Variants in KLF8 observed in about 807,000 individuals in gnomAD.
The protein encoded by KLF8 is KLF transcription factor 8.
KLF8 carries 10 observed loss-of-function variants against 18.2 expected under a neutral mutation model. The ratio of observed to expected loss-of-function variants is 0.55; its 90% CI spans 0.34 to 0.93. The LOEUF (loss-of-function observed/expected upper bound fraction) is 0.93. Among genes scored for constraint, KLF8 ranks in the 40% least tolerant of loss-of-function variants. The probability of loss-of-function intolerance (pLI) is 0.02; values close to 1 mark genes in which losing one functional copy is unlikely to be tolerated. For synonymous variants in KLF8, 109 were observed against 97.3 expected (o/e 1.12, Z -0.71); for missense variants, 264 against 277.9 (o/e 0.95, Z 0.36).
At chrX:56,125,941 G>C in the KLF8 span, among the ~76,000 whole-genome samples, 14 of 111,925 alleles carry the variant, frequency 1.3e-4, no homozygotes, top group Non-Finnish European at 2.1e-4. Context: ...ACAGTGCCTG[G>C]TACTTATTAT....
At chrX:56,003,207 A>T in the KLF8 span, among the ~76,000 whole-genome samples, 1 of 110,118 alleles carries the variant, frequency 9.1e-6, no homozygotes, top group African/African-American at 3.3e-5. Flanking sequence ...CCTGAAAAAT[A>T]TGGTGAAACC....
the KLF8 span, among the ~76,000 whole-genome samples, chrX:56,105,765 G>A: frequency 1.8e-5 from 2 of 111,507 alleles, no homozygotes; most frequent in African/African-American, 3.3e-5. Flanking sequence ...TCATTATGAT[G>A]TTAGGTAGTT....
chrX:56,206,882 G>T, the KLF8 span, among the ~76,000 whole-genome samples: 10 of 112,628 alleles, frequency 8.9e-5, no homozygotes, highest in Non-Finnish European at 1.5e-4. Context: ...GCAAACTTCT[G>T]CCTGGACATC....
chrX:56,230,605 C>T (rs1258902856), upstream of KLF8, among the ~76,000 whole-genome samples: 1 of 111,502 alleles, frequency 9.0e-6, no homozygotes, highest in Non-Finnish European at 1.9e-5. Flanking sequence ...ATTTATTTAA[C>T]CTGTCACTAA....
At chrX:55,936,416 A>C in the KLF8 span, among the ~76,000 whole-genome samples, 1 of 112,735 alleles carries the variant, frequency 8.9e-6, no homozygotes, top group Admixed American at 9.3e-5. Context: ...ATGGCCGAAT[A>C]GGAAAAGCTC....
the KLF8 span, among the ~76,000 whole-genome samples, chrX:55,970,679 GA>G: frequency 1.8e-5 from 2 of 111,057 alleles, no homozygotes; most frequent in South Asian, 7.5e-4. Flanking sequence ...AAGACACCAC[GA>G]AAAAACTATT....
At chrX:56,028,593 C>T in the KLF8 span, among the ~76,000 whole-genome samples, 5 of 111,628 alleles carry the variant, frequency 4.5e-5, no homozygotes, top group Non-Finnish European at 9.4e-5. Context: ...CGTCCACGTA[C>T]TGGAGCAAGA....
chrX:55,953,047 A>C, the KLF8 span, among the ~76,000 whole-genome samples: 4 of 111,181 alleles, frequency 3.6e-5, no homozygotes, highest in Non-Finnish European at 7.5e-5. Context: ...CAAAGATTAC[A>C]TTTTCTAGTA....
the KLF8 span, among the ~76,000 whole-genome samples, chrX:56,147,963 G>T: frequency 8.9e-6 from 1 of 112,413 alleles, no homozygotes; most frequent in African/African-American, 3.2e-5. Flanking sequence ...GGGCAACAGA[G>T]TGAGACTCTG....
At chrX:56,167,509 G>A in the KLF8 span, among the ~76,000 whole-genome samples, 1 of 112,061 alleles carries the variant, frequency 8.9e-6, no homozygotes, top group Non-Finnish European at 1.9e-5. Flanking sequence ...TACCGTATTA[G>A]CTGGAAGAAC....
At chrX:56,148,053 C>G in the KLF8 span, among the ~76,000 whole-genome samples, 1 of 111,987 alleles carries the variant, frequency 8.9e-6, no homozygotes, top group African/African-American at 3.2e-5. Flanking sequence ...TAATTATACA[C>G]TTTTAAGTAG....
the KLF8 span, among the ~76,000 whole-genome samples, chrX:56,015,933 T>C: frequency 8.9e-6 from 1 of 112,243 alleles, no homozygotes; most frequent in African/African-American, 3.2e-5. Flanking sequence ...ATAAGTAAAC[T>C]CTTAAATAGC....
At chrX:56,078,280 G>A in the KLF8 span, among the ~76,000 whole-genome samples, 7 of 111,891 alleles carry the variant, frequency 6.3e-5, no homozygotes, top group African/African-American at 2.3e-4. Context: ...CTGTGGGTTT[G>A]TCATAGATAG....
chrX:56,241,707 G>T (rs1026673029), intron 1 of KLF8, among the ~76,000 whole-genome samples: 2 of 112,040 alleles, frequency 1.8e-5, no homozygotes, highest in African/African-American at 6.5e-5. Flanking sequence ...CAACAGTGAA[G>T]CCTGATCTAG....
chrX:56,049,877 G>T, the KLF8 span, among the ~76,000 whole-genome samples: 1 of 107,506 alleles, frequency 9.3e-6, no homozygotes, highest in Non-Finnish European at 1.9e-5. Flanking sequence ...GTAGAATTCG[G>T]CTGTGAATCC....
chrX:55,953,370 A>G, the KLF8 span, among the ~76,000 whole-genome samples: 1 of 111,000 alleles, frequency 9.0e-6, no homozygotes, highest in Non-Finnish European at 1.9e-5. Context: ...GTGTTCATGG[A>G]TGAGAATACC....
chrX:56,224,418 A>G, the KLF8 span, among the ~76,000 whole-genome samples: 4 of 112,259 alleles, frequency 3.6e-5, no homozygotes, highest in Admixed American at 2.8e-4. Flanking sequence ...AAAAACCACC[A>G]TAATCCTTCA....
At chrX:55,921,724 A>G in the KLF8 span, among the ~76,000 whole-genome samples, 1 of 112,026 alleles carries the variant, frequency 8.9e-6, no homozygotes, top group Non-Finnish European at 1.9e-5. Flanking sequence ...TCCTTCAGAC[A>G]AGGTTCTAAT....
chrX:56,167,402 T>C, the KLF8 span, among the ~76,000 whole-genome samples: 1 of 112,264 alleles, frequency 8.9e-6, no homozygotes, highest in South Asian at 3.7e-4. Flanking sequence ...AGTGCTGGGA[T>C]TACGGTGCAA....
Sources: gnomAD v4.1 joint callset for allele counts (sites outside exome capture counted in the v4.1 genomes callset) on GRCh38, gnomAD v4.1.1 for gene constraint, MANE v1.5 for transcripts, NCBI Gene and HGNC (gene_info 2026-07-23, HGNC 2026-07-21) for gene names.